NTN3: variants seen among roughly 807,000 people sequenced by gnomAD.
NTN3 encodes netrin-3.
A neutral mutation model predicts 37.2 loss-of-function variants in NTN3; 44 were observed. That is an observed-to-expected ratio of 1.18 (90% CI 0.93 to 1.52). The LOEUF (loss-of-function observed/expected upper bound fraction) is 1.52, where lower values mean the gene tolerates loss of function less well. NTN3 is among the 40% of genes most tolerant of loss of function. The pLI, the probability that NTN3 is intolerant of heterozygous loss-of-function variation, is 0.00. For synonymous variants in NTN3, 385 were observed against 376.0 expected, an observed-to-expected ratio of 1.02 and a Z score of -0.28; for missense variants, 882 against 857.3, an observed-to-expected ratio of 1.03 and a Z score of -0.36.
rs754453905 is a variant in NTN3 at position 2,474,041 on chromosome 16, C to T, written c.1679C>T (p.Ala560Val). ...AGCCTCGTGCTACCCTGGAGGGACG[C>T]GTGGACGCGGCGCCTGCGGAGGCTG... The part of the protein sequence containing the change: ...RGSLVLPWRD[A>V]WTRRLRRLQR... The change falls in exon 6 of 6, where the codon GCG (alanine) becomes GTG (valine). Residue 560 changes from alanine to valine, a missense_variant. Coordinates refer to ENST00000293973, the MANE Select transcript of NTN3 (RefSeq NM_006181.3). The T allele has an allele frequency of 6.6e-6, 8 of 1,203,794 alleles. No homozygotes were observed. Among genetic ancestry groups the T allele is most frequent in the African/African-American group, 1.6e-5 (1 of 63,170 alleles). 74.6% of individuals were successfully genotyped at this position (1,203,794 alleles called of 1,614,324 possible).
chr16:2,474,143 C>T lies in NTN3; in HGVS notation c.*38C>T. ...GGCAGGGCGGCCGCTGCTCCCACATCTAGGCGCACGTTCACCCTGTGCCTT... is the reference window on the plus strand; with the variant it reads ...GGCAGGGCGGCCGCTGCTCCCACATTTAGGCGCACGTTCACCCTGTGCCTT... On this transcript the variant is annotated 3_prime_UTR_variant, in exon 6 of 6. Transcript: ENST00000293973. The T allele has an allele frequency of 1.7e-6, 2 of 1,186,964 alleles. No homozygotes were observed. The highest frequency in any genetic ancestry group is 4.2e-5 in the South Asian group (1 of 23,890). 73.5% of individuals were successfully genotyped at this position (1,186,964 alleles called of 1,614,324 possible).
Position 2,471,693 on chromosome 16 carries a change from G to A in NTN3, c.-9G>A, listed in dbSNP as rs1425134038. On this transcript the variant is annotated 5_prime_UTR_variant, in exon 1 of 6. Transcript: ENST00000293973. ...CCCGGCCACTGGCTGACCCGCAGCGGCTCCGGCCATGCCTGGCTGGCCCTG... is the reference window on the plus strand; with the variant it reads ...CCCGGCCACTGGCTGACCCGCAGCGACTCCGGCCATGCCTGGCTGGCCCTG... The A allele has an allele frequency of 1.5e-6, 2 of 1,325,768 alleles. No individual in the cohort carries two copies. Among genetic ancestry groups the A allele is most frequent in the South Asian group, 2.0e-5 (1 of 49,238 alleles). The allele number at this position is 1,325,768 out of a possible 1,614,324, so 82.1% of individuals were successfully genotyped here. A position where few individuals can be genotyped will look rare whatever the true frequency, so the allele number is the denominator to read the frequency against.
Position 2,471,946 on chromosome 16 carries a change from C to T in NTN3, c.245C>T (p.Thr82Ile). Residue 82 changes from threonine (T) to isoleucine (I), a missense_variant, in exon 1 of 6, where the codon ACT (threonine) becomes ATT (isoleucine). Thr to Ile is a moderately conservative substitution (Grantham distance 89). Coordinates refer to ENST00000293973, the MANE Select transcript of NTN3 (RefSeq NM_006181.3). ...PRRAHSPALL[T>I]SPGGTASPLC... Reference sequence around the variant, plus strand: ...CGGGCACACTCCCCCGCCCTCCTTACTTCCCCAGGGGGCACGGCCAGCCCT... The same window carrying T: ...CGGGCACACTCCCCCGCCCTCCTTATTTCCCCAGGGGGCACGGCCAGCCCT... 6.4e-7 allele frequency: 1 copy of T among 1,555,196 alleles called. No individual in the cohort carries two copies. Among genetic ancestry groups the T allele is most frequent in the Non-Finnish European group, 8.6e-7 (1 of 1,156,738 alleles).
chr16:2,474,109 C>T lies in NTN3; in HGVS notation c.*4C>T, dbSNP rs1360160469. 5.0e-6 allele frequency: 6 copies of T among 1,207,218 alleles called. No homozygotes were observed. In the Admixed American group the frequency reaches 2.6e-4, roughly 53 times the overall value. The allele number at this position is 1,207,218 out of a possible 1,614,324, so 74.8% of individuals were successfully genotyped here. ...GGGGCGCTGCAGCGCCGCCTGAGCC[C>T]GCCGGCTGGGCAGGGCGGCCGCTGC... On this transcript the variant is annotated 3_prime_UTR_variant, in exon 6 of 6. Transcript: ENST00000293973.
rs146867774 is a variant in NTN3 at position 2,473,492 on chromosome 16, A to G, written c.1382A>G (p.Lys461Arg). Residue 461 changes from lysine to arginine, a missense_variant, in exon 5 of 6, where the codon AAG (lysine) becomes AGG (arginine). Coordinates refer to ENST00000293973, the MANE Select transcript of NTN3 (RefSeq NM_006181.3). ...SYRISLKKFC[K>R]KDYAVQVAVG... ...CGCATCAGCCTAAAGAAGTTCTGCA[A>G]GAAGGACTATGGTAGGTGCCCTCAG... The G allele has an allele frequency of 9.2e-5, 149 of 1,612,904 alleles. 2 individuals are homozygous for G. The African/African-American group carries it at 1.6e-3, about 17-fold the overall frequency.
chr16:2,471,639 T>C lies in NTN3; in HGVS notation c.-63T>C. 2 of 1,203,294 alleles carry C rather than the reference T, an allele frequency of 1.7e-6. No individual in the cohort carries two copies. Among genetic ancestry groups the C allele is most frequent in the South Asian group, 2.4e-5 (1 of 41,404 alleles). 74.5% of individuals were successfully genotyped at this position (1,203,294 alleles called of 1,614,324 possible). ...TGGTGGGCAGAGCCGCGGAGAGGGC[T>C]TCTTTTCCCCAAGGGCAGCGTCTTG... On this transcript the variant is annotated 5_prime_UTR_variant, in exon 1 of 6. Transcript: ENST00000293973.
Position 2,474,139 on chromosome 16 carries a change from A to G in NTN3, c.*34A>G, listed in dbSNP as rs182426816. ...GCTGGGCAGGGCGGCCGCTGCTCCC[A>G]CATCTAGGCGCACGTTCACCCTGTG... On this transcript the variant is annotated 3_prime_UTR_variant, in exon 6 of 6. Coordinates refer to ENST00000293973, the MANE Select transcript of NTN3 (RefSeq NM_006181.3). The G allele has an allele frequency of 3.4e-3, 3,915 of 1,164,444 alleles. 59 individuals carry two copies. The African/African-American group carries it at 0.036, about 11-fold the overall frequency. 72.1% of individuals were successfully genotyped at this position (1,164,444 alleles called of 1,614,324 possible). A position where few individuals can be genotyped will look rare whatever the true frequency, so the allele number is the denominator to read the frequency against.
chr16:2,474,130 G>A lies in NTN3; in HGVS notation c.*25G>A. 2 of 1,192,768 alleles carry A rather than the reference G, an allele frequency of 1.7e-6. No homozygotes were observed. Among genetic ancestry groups the A allele is most frequent in the Non-Finnish European group, 2.1e-6 (2 of 962,320 alleles). 73.9% of individuals were successfully genotyped at this position (1,192,768 alleles called of 1,614,324 possible). On this transcript the variant is annotated 3_prime_UTR_variant, in exon 6 of 6. Coordinates refer to ENST00000293973, the MANE Select transcript of NTN3 (RefSeq NM_006181.3). The stretch of plus-strand genomic sequence containing the variant: ...AGCCCGCCGGCTGGGCAGGGCGGCC[G>A]CTGCTCCCACATCTAGGCGCACGTT...
In NTN3 at chr16:2,473,758, G is replaced by T; in HGVS notation, c.1396G>T (p.Val466Leu). 7.1e-7 allele frequency: 1 copy of T among 1,401,868 alleles called. No homozygotes were observed. Among genetic ancestry groups the T allele is most frequent in the Non-Finnish European group, 9.2e-7 (1 of 1,088,968 alleles). 86.8% of individuals were successfully genotyped at this position (1,401,868 alleles called of 1,614,324 possible). A position where few individuals can be genotyped will look rare whatever the true frequency, so the allele number is the denominator to read the frequency against. ...GCCCCCTCTCGCTCTCCCCGCAGCG[G>T]TGCAGGTGGCGGTGGGTGCGCGCGG... ...LKKFCKKDYA[V>L]QVAVGARGEA... Residue 466 changes from valine to leucine, a missense_variant and splice_region_variant, in exon 6 of 6, where the codon GTG (valine) becomes TTG (leucine). Transcript: ENST00000293973.
At position 2,472,578 on chromosome 16, in the gene NTN3, T is replaced by G; in HGVS notation, c.877T>G (p.Cys293Gly). The change falls in exon 1 of 6, where the codon TGC becomes GGC. Residue 293 changes from cysteine to glycine, a missense_variant. Physicochemically the swap from Cys to Gly is radical, Grantham distance 159. Transcript: ENST00000293973. Reference protein sequence around the residue: ...PDCGRCKPFYCDRPWQRATAR... With the variant: ...PDCGRCKPFYGDRPWQRATAR... The stretch of plus-strand genomic sequence containing the variant: ...CTGCGGCCGCTGCAAGCCCTTCTAC[T>G]GCGACAGGCCATGGCAGCGGGCCAC... 6.2e-7 allele frequency: 1 copy of G among 1,601,072 alleles called. No individual in the cohort carries two copies.
chr16:2,473,163 C>G (rs1330925255), intron 3 of NTN3, 29 bp downstream of exon 3: 10 of 1,592,994 alleles, frequency 6.3e-6, no homozygotes, highest in East Asian at 2.2e-5. Context: ...CCTCAGCCAC[C>G]AAGCCAAGGC....
rs2065540123 is a variant in NTN3 at position 2,473,900 on chromosome 16, C to A, written c.1538C>A (p.Ala513Asp). 1 of 1,211,638 alleles carries A rather than the reference C, an allele frequency of 8.3e-7. No homozygotes were observed. Among genetic ancestry groups the A allele is most frequent in the African/African-American group, 1.6e-5 (1 of 63,146 alleles). 75.1% of individuals were successfully genotyped at this position (1,211,638 alleles called of 1,614,324 possible). A position where few individuals can be genotyped will look rare whatever the true frequency, so the allele number is the denominator to read the frequency against. ...CTGTGGGTGCCCGCCGGGGATGCGG[C>A]CTGCGGCTGCCCGCGCCTGCTCCCC... ...SALWVPAGDA[A>D]CGCPRLLPGR... Residue 513 changes from alanine to aspartate, a missense_variant, in exon 6 of 6, where the codon GCC becomes GAC. Coordinates refer to ENST00000293973, the MANE Select transcript of NTN3 (RefSeq NM_006181.3).
chr16:2,473,963 C>T lies in NTN3; in HGVS notation c.1601C>T (p.Ala534Val). ...CTCCTGCTGGGGGGCGGGCCTGGAG[C>T]CGCGGCTGGGGGCGCGGGGGGCCGG... is the stretch of plus-strand genomic sequence containing the variant. Reference protein sequence around the residue: ...RYLLLGGGPGAAAGGAGGRGP... With the variant: ...RYLLLGGGPGVAAGGAGGRGP... Residue 534 changes from alanine (A) to valine (V), a missense_variant, in exon 6 of 6, where the codon GCC becomes GTC. Physicochemically the swap from Ala to Val is moderately conservative, Grantham distance 64. Transcript: ENST00000293973. 8.6e-7 allele frequency: 1 copy of T among 1,166,190 alleles called. No homozygotes were observed. The highest frequency in any genetic ancestry group is 4.0e-5 in the East Asian group (1 of 25,132). 72.2% of individuals were successfully genotyped at this position (1,166,190 alleles called of 1,614,324 possible). A position where few individuals can be genotyped will look rare whatever the true frequency, so the allele number is the denominator to read the frequency against.
In NTN3 at chr16:2,471,598, C is replaced by G. The variant is rs910389090; in HGVS notation, c.-104C>G. 5 of 898,692 alleles carry G rather than the reference C, an allele frequency of 5.6e-6. No individual in the cohort carries two copies. In the South Asian group the frequency reaches 1.3e-4, roughly 23 times the overall value. The allele number at this position is 898,692 out of a possible 1,614,324, so 55.7% of individuals were successfully genotyped here. On this transcript the variant is annotated 5_prime_UTR_variant, in exon 1 of 6. Coordinates refer to ENST00000293973, the MANE Select transcript of NTN3 (RefSeq NM_006181.3). ...CTGGGGCCGCCCGGGGGCCCTGTTC[C>G]TCGGCATTGCGGGCCTGGTGGGCAG...
Position 2,473,754 on chromosome 16 carries a change from A to G in NTN3, c.1394-2A>G, listed in dbSNP as rs781067741. The G allele has an allele frequency of 3.2e-5, 46 of 1,418,338 alleles. No individual in the cohort carries two copies. Among genetic ancestry groups the G allele is most frequent in the Admixed American group, 6.4e-5 (2 of 31,466 alleles). 87.9% of individuals were successfully genotyped at this position (1,418,338 alleles called of 1,614,324 possible). A position where few individuals can be genotyped will look rare whatever the true frequency, so the allele number is the denominator to read the frequency against. Reference sequence around the variant, plus strand: ...CCCCGCCCCCTCTCGCTCTCCCCGCAGCGGTGCAGGTGGCGGTGGGTGCGC... The same window carrying G: ...CCCCGCCCCCTCTCGCTCTCCCCGCGGCGGTGCAGGTGGCGGTGGGTGCGC... On this transcript the variant is annotated splice_acceptor_variant, in intron 5 of 5. Transcript: ENST00000293973. LOFTEE classifies it high-confidence loss of function.
In NTN3 at chr16:2,472,859, C is replaced by T. The variant is rs748598429; in HGVS notation, c.1087C>T (p.Arg363Cys). The T allele has an allele frequency of 9.4e-6, 15 of 1,603,822 alleles. No individual in the cohort carries two copies. Among genetic ancestry groups the T allele is most frequent in the South Asian group, 5.5e-5 (5 of 90,802 alleles). ...GGAGGGCTTCTATCGAGACCCTGGC[C>T]GTGCCCTGAGTGACCGTCGGGCTTG... ...CREGFYRDPG[R>C]ALSDRRACRA... The change falls in exon 2 of 6, where the codon CGT becomes TGT. Residue 363 changes from arginine (R) to cysteine (C), a missense_variant. Physicochemically the swap from Arg to Cys is radical, Grantham distance 180 (BLOSUM62 -3). Coordinates refer to ENST00000293973, the MANE Select transcript of NTN3 (RefSeq NM_006181.3).
At chr16:2,473,239 C>G in intron 3 of NTN3, 29 bp from the exon 4 acceptor site, 1 of 1,610,728 alleles carries the variant, frequency 6.2e-7, no homozygotes, top group East Asian at 2.2e-5. Flanking sequence ...GCCCCTCCAT[C>G]GCAGGCCATT....
intron 5 of NTN3, 100 bp from the exon 6 acceptor site, chr16:2,473,656 C>G (rs969467690): frequency 1.6e-6 from 2 of 1,267,046 alleles, no homozygotes; most frequent in Admixed American, 2.5e-5. Context: ...CGACCCCGCC[C>G]CTTCAGCCCC....
rs751822487 is a variant in NTN3, at chr16:2,471,878, C to A, written c.177C>A (p.Cys59Ter). ...GCGAGGTGCTGGCTTCCAGCACGTG[C>A]GGGCGGCCGGCCACTCGGGCCTGCG... ...LGREVLASST[C>*]GRPATRACDA... The change falls in exon 1 of 6, where the codon TGC becomes TGA. Residue 59 changes from cysteine (C) to a stop codon, truncating the protein, a stop_gained. Transcript: ENST00000293973. LOFTEE classifies it high-confidence loss of function. The A allele has an allele frequency of 2.5e-5, 37 of 1,472,804 alleles. No individual in the cohort carries two copies. The highest frequency in any genetic ancestry group is 3.2e-5 in the Non-Finnish European group (36 of 1,110,552). 91.2% of individuals were successfully genotyped at this position (1,472,804 alleles called of 1,614,324 possible).
Sources: allele counts gnomAD v4.1 joint callset, GRCh38; gene constraint gnomAD v4.1.1; transcripts MANE v1.5; gene names NCBI Gene and HGNC (gene_info 2026-07-23, HGNC 2026-07-21).